The following COL15A1 variants were observed in gnomAD, a reference collection of about 807,000 sequenced individuals.
COL15A1 encodes the protein collagen type XV alpha 1 chain, also known as collagen alpha-1(XV) chain.
In COL15A1, 111 loss-of-function variants were observed where a neutral mutation model predicts 165.9. That is an observed-to-expected ratio of 0.67 (90% confidence interval 0.57 to 0.78). The LOEUF (loss-of-function observed/expected upper bound fraction) is 0.78. COL15A1 is among the 30% of genes least tolerant of loss of function. COL15A1 has a pLI of 0.00. For synonymous variants in COL15A1, 659 were observed against 674.8 expected, an observed-to-expected ratio of 0.98 and a Z score of 0.36; for missense variants, 1,745 against 1,789.7, an observed-to-expected ratio of 0.98 and a Z score of 0.45.
chr9:99,035,279 C>T, intron 18 of COL15A1, 71 bp from the exon 19 acceptor site: 1 of 1,610,570 alleles, frequency 6.2e-7, no homozygotes, highest in Non-Finnish European at 8.5e-7. Flanking sequence ...CGCCAGCTTC[C>T]AACACCACAC....
At position 99,059,926 on chromosome 9, in the gene COL15A1, G is replaced by A; in HGVS notation, c.3375G>A (p.Gln1125=). ...CAGGTCCCCCTGGCCCTCCAGGACAGCCAGGGCTTCCCGGATCCAGAAACC... is the reference window on the plus strand; with the variant it reads ...CAGGTCCCCCTGGCCCTCCAGGACAACCAGGGCTTCCCGGATCCAGAAACC... ...ALPGPPGPPG[Q]PGLPGSRNLV... Residue 1125 remains glutamine (Q), a synonymous_variant, in exon 36 of 42, where the codon CAG becomes CAA. Transcript: ENST00000375001. The A allele has an allele frequency of 1.2e-6, 2 of 1,614,010 alleles. No homozygotes were observed. Among genetic ancestry groups the A allele is most frequent in the Non-Finnish European group, 1.7e-6 (2 of 1,179,966 alleles).
Position 99,022,151 on chromosome 9 carries a change from G to C in COL15A1, c.1761+1G>C, listed in dbSNP as rs374848020. ...ACCTTCTGGGCCTGTTGGACCCACG[G>C]TGAGATTCCCATCCAGGCTTGTCAC... On this transcript the variant is annotated splice_donor_variant, in intron 13 of 41. Transcript: ENST00000375001. LOFTEE classifies it high-confidence loss of function. The C allele has an allele frequency of 2.5e-6, 4 of 1,614,016 alleles. No homozygotes were observed. Among genetic ancestry groups the C allele is most frequent in the Non-Finnish European group, 3.4e-6 (4 of 1,179,998 alleles).
Position 99,023,470 on chromosome 9 carries a change from G to A in COL15A1, c.1854+21G>A, listed in dbSNP as rs190143931. 1.1e-4 allele frequency: 124 copies of A among 1,101,508 alleles called. No homozygotes were observed. In the East Asian group the frequency reaches 2.5e-3, roughly 23 times the overall value. 68.2% of individuals were successfully genotyped at this position (1,101,508 alleles called of 1,614,324 possible). On this transcript the variant is annotated intron_variant, in intron 14 of 41. Coordinates refer to ENST00000375001, the MANE Select transcript of COL15A1 (RefSeq NM_001855.5). Reference sequence around the variant, plus strand: ...TGAGAGTGAGTGTGAAGGAGGACACGACCTGGTGTCTGGGACTGCCTTCAA... The same window carrying A: ...TGAGAGTGAGTGTGAAGGAGGACACAACCTGGTGTCTGGGACTGCCTTCAA...
rs750063458 is a variant in COL15A1 at position 99,035,134 on chromosome 9, A to G, written c.2200A>G (p.Thr734Ala). 12 of 1,598,612 alleles carry G rather than the reference A, an allele frequency of 7.5e-6. No individual in the cohort carries two copies. In the South Asian group the frequency reaches 1.2e-4, roughly 16 times the overall value. ...CCCTGGGCCCCCAGGCCCTGGATGC[A>G]CAATGGGACTTGGATTCGAGGTACT... ...GPPGPPGPGC[T>A]MGLGFEDTEG... Residue 734 changes from threonine (T) to alanine (A), a missense_variant, in exon 18 of 42, where the codon ACA (threonine) becomes GCA (alanine). Coordinates refer to ENST00000375001, the MANE Select transcript of COL15A1 (RefSeq NM_001855.5).
chr9:99,009,497 G>A (rs1247069792), intron 9 of COL15A1, among the ~76,000 whole-genome samples: 1 of 151,950 alleles, frequency 6.6e-6, no homozygotes, highest in African/African-American at 2.4e-5. Flanking sequence ...TGGACTTCAG[G>A]GGAATAATAG....
At chr9:99,053,400 C>T (rs769799011) in intron 31 of COL15A1, among the ~76,000 whole-genome samples, 1 of 152,322 alleles carries the variant, frequency 6.6e-6, no homozygotes, top group East Asian at 1.9e-4. Context: ...CAAGGTGGAC[C>T]TTGGGGAGCA....
intron 22 of COL15A1, 39 bp downstream of exon 22, chr9:99,038,772 C>T (rs199801432): frequency 7.9e-7 from 1 of 1,269,262 alleles, no homozygotes; most frequent in Non-Finnish European, 1.2e-6. Flanking sequence ...GGCTTTTACC[C>T]AGACGCCCCT....
In COL15A1 at chr9:99,063,047, C is replaced by T. The variant is rs754959584; in HGVS notation, c.3592-3C>T. 18 of 1,595,128 alleles carry T rather than the reference C, an allele frequency of 1.1e-5. No homozygotes were observed. Among genetic ancestry groups the T allele is most frequent in the Non-Finnish European group, 1.4e-5 (16 of 1,173,624 alleles). On this transcript the variant is annotated splice_polypyrimidine_tract_variant and splice_region_variant and intron_variant, in intron 38 of 41. Transcript: ENST00000375001. Reference sequence around the variant, plus strand: ...CTGTTTCTTTTCCTCCTTTTCATAACAGCCACATCAGCTTCTGCCTCCACC... The same window carrying T: ...CTGTTTCTTTTCCTCCTTTTCATAATAGCCACATCAGCTTCTGCCTCCACC...
chr9:99,047,728 A>T, intron 26 of COL15A1, 58 bp from the exon 27 acceptor site: 2 of 1,590,880 alleles, frequency 1.3e-6, no homozygotes, highest in Admixed American at 3.3e-5. Context: ...TGCACTCCTC[A>T]TTTCCCTGAA....
intron 9 of COL15A1, among the ~76,000 whole-genome samples, chr9:99,013,949 C>G (rs1243705532): frequency 3.3e-5 from 5 of 151,586 alleles, no homozygotes; most frequent in African/African-American, 7.3e-5. Context: ...AGACAGGAAG[C>G]AAGGATAGCA....
Position 99,047,961 on chromosome 9 carries a change from C to T in COL15A1, c.2754C>T (p.Gly918=). The change falls in exon 28 of 42, where the codon GGC becomes GGT. Residue 918 remains glycine, a synonymous_variant. Coordinates refer to ENST00000375001, the MANE Select transcript of COL15A1 (RefSeq NM_001855.5). ...TCCAGGGTCGCCCAGGACTGAATGG[C>T]CTCAAGGGTACCAAAGGAGATCCAG... The part of the protein sequence containing the change: ...PGRPGRPGLN[G]LKGTKGDPGV... 6.2e-7 allele frequency: 1 copy of T among 1,606,028 alleles called. No individual in the cohort carries two copies. Among genetic ancestry groups the T allele is most frequent in the Non-Finnish European group, 8.5e-7 (1 of 1,174,246 alleles).
chr9:99,008,635 G>A (rs983646397), intron 9 of COL15A1, among the ~76,000 whole-genome samples: 2 of 152,060 alleles, frequency 1.3e-5, no homozygotes, highest in Admixed American at 6.5e-5. Context: ...TTGAGGCTGA[G>A]TTTCTCTCTT....
chr9:99,027,833 A>C (rs1839151988), intron 16 of COL15A1, among the ~76,000 whole-genome samples: 1 of 152,226 alleles, frequency 6.6e-6, no homozygotes, highest in African/African-American at 2.4e-5. Flanking sequence ...GCTGGCAGGA[A>C]ACTTTGCACA....
At chr9:98,963,903 T>C (rs1837906442) in intron 2 of COL15A1, among the ~76,000 whole-genome samples, 1 of 152,188 alleles carries the variant, frequency 6.6e-6, no homozygotes, top group African/African-American at 2.4e-5. Flanking sequence ...TGTGACGGTG[T>C]GTGCTTGATA....
At chr9:99,052,538 T>TGGGCCACAGGGCGAGATTAAAAAAAAAAA in intron 31 of COL15A1, 105 bp downstream of exon 31, 1 of 917,796 alleles carries the variant, frequency 1.1e-6, no homozygotes, top group Non-Finnish European at 1.8e-6. Context: ...CAGGAAGGTC[T>TGGGCCACAGGGCGAGATTAAAAAAAAAAA]AACTGGATGC....
intron 5 of COL15A1, among the ~76,000 whole-genome samples, chr9:98,991,046 T>A (rs1273625996): frequency 6.6e-6 from 1 of 152,094 alleles, no homozygotes; most frequent in Non-Finnish European, 1.5e-5. Context: ...AGTTGTTTGT[T>A]CCTCCCGGTG....
chr9:98,967,161 C>T (rs1284464040), intron 2 of COL15A1, among the ~76,000 whole-genome samples: 1 of 152,170 alleles, frequency 6.6e-6, no homozygotes, highest in African/African-American at 2.4e-5. Context: ...CTGAGGGACA[C>T]AGGTGAGGAA....
intron 39 of COL15A1, among the ~76,000 whole-genome samples, chr9:99,065,768 T>C (rs1207674924): frequency 6.8e-6 from 1 of 147,278 alleles, no homozygotes; most frequent in African/African-American, 2.5e-5. Context: ...AGGAAAGGGG[T>C]GGTGAATGGA....
rs1161410445 is a variant in COL15A1, at chr9:99,036,184, G to A, written c.2304G>A (p.Glu768=). The A allele has an allele frequency of 6.2e-7, 1 of 1,610,770 alleles. No homozygotes were observed. The highest frequency in any genetic ancestry group is 8.5e-7 in the Non-Finnish European group (1 of 1,177,176). ...TATTTTTCCAGGGTCTCAAAGGAGAGAAAGGAGACCGGGGACCCAAGGTGA... is the reference window on the plus strand; with the variant it reads ...TATTTTTCCAGGGTCTCAAAGGAGAAAAAGGAGACCGGGGACCCAAGGTGA... The part of the protein sequence containing the change: ...RPTAAIGLKG[E]KGDRGPKGER... Residue 768 remains glutamate, a synonymous_variant, in exon 20 of 42, where the codon GAG becomes GAA. Coordinates refer to ENST00000375001, the MANE Select transcript of COL15A1 (RefSeq NM_001855.5).
Sources: gnomAD v4.1 joint callset for allele counts (sites outside exome capture counted in the v4.1 genomes callset) on GRCh38, gnomAD v4.1.1 for gene constraint, MANE v1.5 for transcripts, NCBI Gene and HGNC (gene_info 2026-07-23, HGNC 2026-07-21) for gene names.